Variants in COL11A1 observed in about 807,000 individuals in gnomAD.
COL11A1 encodes collagen type XI alpha 1 chain.
Under a neutral mutation model 265.2 loss-of-function variants are expected in COL11A1, and 74 were observed. That is an observed-to-expected ratio of 0.28 (90% confidence interval 0.23 to 0.34). The LOEUF is 0.34. COL11A1 is among the 10% of genes least tolerant of loss of function. COL11A1 has a pLI of 1.00. For missense variants in COL11A1, 2,165 were observed against 2,263.6 expected, an observed-to-expected ratio of 0.96 and a Z score of 0.88; for synonymous variants, 816 against 727.6, an observed-to-expected ratio of 1.12 and a Z score of -1.96.
chr1:103,086,966 C>T (rs929410396), intron 1 of COL11A1, among the ~76,000 whole-genome samples: 7 of 152,066 alleles, frequency 4.6e-5, no homozygotes, highest in Non-Finnish European at 1.0e-4. Flanking sequence ...ATAGATATTG[C>T]GTTTAATAAA....
At chr1:102,929,208 G>T in intron 46 of COL11A1, among the ~76,000 whole-genome samples, 1 of 140,470 alleles carries the variant, frequency 7.1e-6, no homozygotes, top group African/African-American at 2.6e-5. Flanking sequence ...TTTCTCCTAG[G>T]GTTTTTATGG....
intron 9 of COL11A1, among the ~76,000 whole-genome samples, chr1:103,020,339 G>C (rs1571058126): frequency 1.4e-5 from 2 of 138,624 alleles, no homozygotes; most frequent in Non-Finnish European, 3.1e-5. Flanking sequence ...CTGATGGCCA[G>C]TGATGATGAG....
chr1:103,009,536 A>C (rs1665930078), intron 14 of COL11A1, among the ~76,000 whole-genome samples: 1 of 152,232 alleles, frequency 6.6e-6, no homozygotes, highest in South Asian at 2.1e-4. Flanking sequence ...GTTTAAAATT[A>C]AACACTAGGC....
intron 11 of COL11A1, among the ~76,000 whole-genome samples, chr1:103,016,717 G>A (rs1666597129): frequency 6.6e-6 from 1 of 151,978 alleles, no homozygotes; most frequent in African/African-American, 2.4e-5. Context: ...ATTCTAGATT[G>A]GCAAAATTAT....
intron 4 of COL11A1, among the ~76,000 whole-genome samples, chr1:103,072,829 T>A (rs1302703234): frequency 6.6e-6 from 1 of 151,752 alleles, no homozygotes; most frequent in Non-Finnish European, 1.5e-5. Context: ...TTTGAGTATA[T>A]GAATTAGATA....
chr1:103,025,160 C>A (rs995421210), intron 7 of COL11A1, among the ~76,000 whole-genome samples: 9 of 152,060 alleles, frequency 5.9e-5, no homozygotes, highest in Middle Eastern at 3.2e-3. Flanking sequence ...TTCGATGATA[C>A]AATTTTCACT....
chr1:102,926,069 G>T (rs1656562696), intron 46 of COL11A1, among the ~76,000 whole-genome samples: 1 of 151,814 alleles, frequency 6.6e-6, no homozygotes, highest in African/African-American at 2.4e-5. Context: ...TATCCCAATA[G>T]AAAAAAATTT....
Position 103,074,757 on chromosome 1 carries a change from A to G in COL11A1, c.512T>C (p.Val171Ala), listed in dbSNP as rs764504302. 9 of 1,613,198 alleles carry G rather than the reference A, an allele frequency of 5.6e-6. No homozygotes were observed. The South Asian group carries it at 9.9e-5, about 18-fold the overall frequency. Residue 171 changes from valine to alanine, a missense_variant, in exon 4 of 67, where the codon GTG becomes GCG. Physicochemically the swap from Val to Ala is moderately conservative, Grantham distance 64 (BLOSUM62 0). Transcript: ENST00000370096. The part of the protein sequence containing the change: ...DGKWHRVAIS[V>A]EKKTVTMIVD... The stretch of plus-strand genomic sequence containing the variant: ...AATCATTGTCACAGTTTTCTTCTCC[A>G]CGCTGATTGCTACCCGATGCCACCT...
intron 46 of COL11A1, 25 bp from the exon 47 acceptor site, chr1:102,923,414 A>G: frequency 6.4e-7 from 1 of 1,558,560 alleles, no homozygotes; most frequent in African/African-American, 1.4e-5. Flanking sequence ...TAGAAAAATA[A>G]TAAAAGTCAC....
At chr1:103,004,513 G>A (rs775462361) in intron 19 of COL11A1, 25 bp from the exon 20 acceptor site, 1 of 1,605,924 alleles carries the variant, frequency 6.2e-7, no homozygotes. Flanking sequence ...ATGAATGAGA[G>A]TATAGAACAT....
chr1:103,011,956 C>A (rs1571029532), intron 14 of COL11A1, among the ~76,000 whole-genome samples: 2 of 152,194 alleles, frequency 1.3e-5, no homozygotes, highest in East Asian at 1.9e-4. Context: ...AGTTGAAGCA[C>A]CTTGTGGAAT....
intron 4 of COL11A1, among the ~76,000 whole-genome samples, chr1:103,072,941 A>T (rs1226625908): frequency 1.3e-5 from 2 of 151,864 alleles, no homozygotes; most frequent in Non-Finnish European, 3.0e-5. Context: ...AGATTGTAAA[A>T]GATAAACTGA....
At chr1:103,046,426 T>A (rs1158950379) in intron 4 of COL11A1, among the ~76,000 whole-genome samples, 1 of 151,906 alleles carries the variant, frequency 6.6e-6, no homozygotes, top group Non-Finnish European at 1.5e-5. Context: ...TCTGTTCATA[T>A]CCTTTGCCCA....
At position 102,940,325 on chromosome 1, in the gene COL11A1, A is replaced by G. The variant is rs1456171396; in HGVS notation, c.3384+2T>C. 1 of 1,611,490 alleles carries G rather than the reference A, an allele frequency of 6.2e-7. No individual in the cohort carries two copies. The highest frequency in any genetic ancestry group is 2.2e-5 in the East Asian group (1 of 44,842). On this transcript the variant is annotated splice_donor_variant, in intron 43 of 66. Transcript: ENST00000370096. LOFTEE classifies it high-confidence loss of function. ...CTACTAACACGAATAATGAATACCA[A>G]CCTTGTCTCCGTCTTCCCCAGGGGA...
At chr1:103,065,978 C>T (rs1671109358) in intron 4 of COL11A1, among the ~76,000 whole-genome samples, 2 of 151,952 alleles carry the variant, frequency 1.3e-5, no homozygotes, top group Non-Finnish European at 2.9e-5. Context: ...ACACAGGGAC[C>T]AGAGACAAAA....
chr1:102,929,854 T>C (rs1219875623), intron 46 of COL11A1, among the ~76,000 whole-genome samples: 1 of 152,216 alleles, frequency 6.6e-6, no homozygotes, highest in Admixed American at 6.5e-5. Context: ...TTTGAAGCAA[T>C]TGTGAATGGG....
At chr1:103,016,060 T>C (rs1666542004) in intron 11 of COL11A1, among the ~76,000 whole-genome samples, 1 of 152,032 alleles carries the variant, frequency 6.6e-6, no homozygotes, top group Non-Finnish European at 1.5e-5. Context: ...GAAAAACAAG[T>C]AGTACAAGCC....
chr1:103,076,871 A>G (rs1018450109), intron 3 of COL11A1, among the ~76,000 whole-genome samples: 3 of 152,120 alleles, frequency 2.0e-5, no homozygotes, highest in East Asian at 3.9e-4. Context: ...CTAATAGATA[A>G]ATACTTATGG....
intron 46 of COL11A1, among the ~76,000 whole-genome samples, chr1:102,923,980 G>GAA (rs1187142337): frequency 1.3e-5 from 2 of 151,244 alleles, no homozygotes; most frequent in Non-Finnish European, 2.9e-5. Context: ...AGGCTGAGGC[G>GAA]GGCGGATCAC....
Sources: gnomAD v4.1 joint callset for allele counts (sites outside exome capture counted in the v4.1 genomes callset) on GRCh38, gnomAD v4.1.1 for gene constraint, MANE v1.5 for transcripts, NCBI Gene and HGNC (gene_info 2026-07-23, HGNC 2026-07-21) for gene names.